EXOC5: variants seen among roughly 807,000 people sequenced by gnomAD.
EXOC5 encodes the protein SEC10-like 1.
Under a neutral mutation model 90.8 loss-of-function variants are expected in EXOC5, and 17 were observed. The observed-to-expected ratio is 0.19, with a 90% CI of 0.13 to 0.28. The LOEUF is 0.28. EXOC5 is among the 10% of genes least tolerant of loss of function. EXOC5 has a pLI of 1.00. For missense variants in EXOC5, 569 were observed against 830.6 expected, an observed-to-expected ratio of 0.69 and a Z score of 3.87; for synonymous variants, 260 against 270.0, an observed-to-expected ratio of 0.96 and a Z score of 0.36.
chr14:57,243,604 A>G (rs1211730579), intron 4 of EXOC5: 2 of 152,300 alleles, frequency 1.3e-5, no homozygotes, highest in Admixed American at 6.5e-5. Flanking sequence ...AGCCAATACC[A>G]TGTACCCTTA....
At position 57,246,836 on chromosome 14, in the gene EXOC5, G is replaced by A; in HGVS notation, c.145C>T (p.His49Tyr). 1 of 1,581,022 alleles carries A rather than the reference G, an allele frequency of 6.3e-7. No homozygotes were observed. Among genetic ancestry groups the A allele is most frequent in the Non-Finnish European group, 8.6e-7 (1 of 1,157,658 alleles). ...PKRLLEEFVN[H>Y]IQELQIMDER... ...TCCATTATCTGGAGTTCCTGAATAT[G>A]ATTTACAAATTCTTCTAATAATCTA... Residue 49 changes from histidine to tyrosine, a missense_variant, in exon 3 of 18, where the codon CAT becomes TAT. His to Tyr is a moderately conservative substitution (Grantham distance 83). This residue lies in a region of EXOC5 where 45 missense variants were observed against 44.6 expected (regional missense o/e 1.01). Transcript: ENST00000621441.
chr14:57,219,536 T>C lies in EXOC5; in HGVS notation c.1406-94A>G. The C allele has an allele frequency of 3.1e-6, 3 of 964,956 alleles. No homozygotes were observed. The South Asian group carries it at 5.0e-5, about 16-fold the overall frequency. 59.8% of individuals were successfully genotyped at this position (964,956 alleles called of 1,614,324 possible). On this transcript the variant is annotated intron_variant, in intron 13 of 17. Transcript: ENST00000621441. ...GAATGTGGTTTTTTAATCTGTAACA[T>C]AAAATAAATGACACCGCTATTTTAA...
chr14:57,268,354 C>T (rs2139679273), intron 1 of EXOC5: 2 of 880,894 alleles, frequency 2.3e-6, no homozygotes, highest in Non-Finnish European at 3.3e-6. Context: ...CTCTTGCCCC[C>T]ACAAACAAAA....
intron 15 of EXOC5, among the ~76,000 whole-genome samples, chr14:57,215,115 C>T (rs1355946646): frequency 6.6e-6 from 1 of 151,908 alleles, no homozygotes; most frequent in African/African-American, 2.4e-5. Context: ...GCCTGTAATT[C>T]CAGCTATTTG....
chr14:57,252,951 C>T (rs1470247919), intron 1 of EXOC5, among the ~76,000 whole-genome samples: 1 of 151,958 alleles, frequency 6.6e-6, no homozygotes, highest in Non-Finnish European at 1.5e-5. Flanking sequence ...TACTACTCAG[C>T]CATTAAAAAG....
At chr14:57,216,142 C>T (rs1450455077) in intron 15 of EXOC5, among the ~76,000 whole-genome samples, 1 of 151,936 alleles carries the variant, frequency 6.6e-6, no homozygotes, top group African/African-American at 2.4e-5. Context: ...AACCATAGAA[C>T]ATTGCCAAAA....
At chr14:57,231,450 T>G in intron 11 of EXOC5, 56 bp downstream of exon 11, 1 of 1,205,542 alleles carries the variant, frequency 8.3e-7, no homozygotes, top group South Asian at 1.4e-5. Flanking sequence ...TGCCCAAATA[T>G]AATGAAGTTA....
rs1566720437 is a variant in EXOC5, at chr14:57,201,459, C to CAT, written c.*7149_*7150insAT. Reference sequence around the variant, plus strand: ...ACACACACGTGTGTATATATACACACGCGTGTATATGTACACACACGTGTA... The same window carrying CAT: ...ACACACACGTGTGTATATATACACACATGCGTGTATATGTACACACACGTGTA... On this transcript the variant is annotated 3_prime_UTR_variant, in exon 18 of 18. Coordinates refer to ENST00000621441, the MANE Select transcript of EXOC5 (RefSeq NM_006544.4). 1 of 144,742 alleles carries CAT rather than the reference C, an allele frequency of 6.9e-6. No individual in the cohort carries two copies. Among genetic ancestry groups the CAT allele is most frequent in the African/African-American group, 2.7e-5 (1 of 36,880 alleles). 9.0% of individuals were successfully genotyped at this position (144,742 alleles called of 1,614,324 possible).
chr14:57,262,601 GTA>G (rs926878900), intron 1 of EXOC5, among the ~76,000 whole-genome samples: 5 of 142,430 alleles, frequency 3.5e-5, no homozygotes, highest in Admixed American at 1.4e-4. Context: ...CATATATTAA[GTA>G]TATATATACA....
chr14:57,261,009 A>G (rs1488993231), intron 1 of EXOC5, among the ~76,000 whole-genome samples: 2 of 152,224 alleles, frequency 1.3e-5, no homozygotes, highest in African/African-American at 4.8e-5. Flanking sequence ...TTCGTTTATT[A>G]TAACTTGAAT....
At chr14:57,210,837 T>C (rs984224201) in intron 15 of EXOC5, among the ~76,000 whole-genome samples, 3 of 152,184 alleles carry the variant, frequency 2.0e-5, no homozygotes, top group African/African-American at 7.2e-5. Context: ...ATAACCACAA[T>C]ACCTGTTTGC....
chr14:57,231,252 G>A (rs928431634), intron 11 of EXOC5, among the ~76,000 whole-genome samples: 3 of 151,980 alleles, frequency 2.0e-5, no homozygotes, highest in African/African-American at 4.8e-5. Flanking sequence ...CAGGTGATCA[G>A]CCCATCTCGG....
Position 57,222,758 on chromosome 14 carries a change from CACACAT to C in EXOC5, c.1297-348_1297-343del, listed in dbSNP as rs200453528. Among the ~76,000 whole-genome samples, 960 of 149,334 alleles carry C rather than the reference CACACAT, an allele frequency of 6.4e-3. 11 individuals are homozygous for C. Among genetic ancestry groups the C allele is most frequent in the African/African-American group, 0.023 (908 of 39,732 alleles). On this transcript the variant is annotated intron_variant, in intron 12 of 17. Coordinates refer to ENST00000621441, the MANE Select transcript of EXOC5 (RefSeq NM_006544.4). ...ACACACATATATATATACACACACA[CACACAT>C]ATATATATATATATATGTATACACA...
Position 57,205,890 on chromosome 14 carries a change from T to C in EXOC5, c.*2719A>G, listed in dbSNP as rs576731092. On this transcript the variant is annotated 3_prime_UTR_variant, in exon 18 of 18. Transcript: ENST00000621441. The stretch of plus-strand genomic sequence containing the variant: ...GCAATCCTCAAAATGGGACCAAAAA[T>C]TGTCCTGGAATGGTCAGGTGGTCAT... The C allele has an allele frequency of 1.1e-5, 5 of 455,920 alleles. No individual in the cohort carries two copies. Among genetic ancestry groups the C allele is most frequent in the Admixed American group, 2.4e-5 (1 of 42,486 alleles). 28.2% of individuals were successfully genotyped at this position (455,920 alleles called of 1,614,324 possible). A position where few individuals can be genotyped will look rare whatever the true frequency, so the allele number is the denominator to read the frequency against.
chr14:57,257,485 A>G (rs1236072909), intron 1 of EXOC5, among the ~76,000 whole-genome samples: 1 of 152,198 alleles, frequency 6.6e-6, no homozygotes, highest in Non-Finnish European at 1.5e-5. Flanking sequence ...AGGCATGCCA[A>G]GATTTGGAGA....
Position 57,207,718 on chromosome 14 carries a change from G to A in EXOC5, c.*891C>T, listed in dbSNP as rs892922403. 46 of 152,032 alleles carry A rather than the reference G, an allele frequency of 3.0e-4. No homozygotes were observed. Among genetic ancestry groups the A allele is most frequent in the African/African-American group, 1.1e-3 (45 of 41,402 alleles). 9.4% of individuals were successfully genotyped at this position (152,032 alleles called of 1,614,324 possible). On this transcript the variant is annotated 3_prime_UTR_variant, in exon 18 of 18. Transcript: ENST00000621441. ...CGACAGAAATCTCAAAGGGCTGCATGTTGCTAAACACTGTCAGTATTTCCT... is the reference window on the plus strand; with the variant it reads ...CGACAGAAATCTCAAAGGGCTGCATATTGCTAAACACTGTCAGTATTTCCT...
At chr14:57,222,621 TTAGAG>T (rs1371411500) in intron 12 of EXOC5, among the ~76,000 whole-genome samples, 2 of 151,734 alleles carry the variant, frequency 1.3e-5, no homozygotes, top group South Asian at 4.2e-4. Context: ...CTCTCCTGAC[TTAGAG>T]TAATGTTTTT....
chr14:57,228,852 T>TAAAAAAAA (rs574621292), intron 12 of EXOC5, among the ~76,000 whole-genome samples: 2 of 70,454 alleles, frequency 2.8e-5, no homozygotes, highest in African/African-American at 5.3e-5. Flanking sequence ...ACTTAAAGTA[T>TAAAAAAAA]AAAAAAAAAA....
At position 57,228,705 on chromosome 14, in the gene EXOC5, G is replaced by C. The variant is rs1461066887; in HGVS notation, c.1296+1029C>G. ...GAACATCACACAGTGGGGCCTGTTG[G>C]GGGGGTGGGGGACTAAGGGAGGAAT... On this transcript the variant is annotated intron_variant, in intron 12 of 17. Transcript: ENST00000621441. 6.6e-5 allele frequency among the ~76,000 whole-genome samples: 10 copies of C among 151,704 alleles called. No individual in the cohort carries two copies. In the East Asian group the frequency reaches 7.8e-4, roughly 12 times the overall value.
Sources: gnomAD v4.1 joint callset for allele counts (sites outside exome capture counted in the v4.1 genomes callset) on GRCh38, gnomAD v4.1.1 for gene constraint, gnomAD v4.1.1 regional missense constraint, MANE v1.5 for transcripts, NCBI Gene and HGNC (gene_info 2026-07-23, HGNC 2026-07-21) for gene names.